GAS2L3: variants seen among roughly 807,000 people sequenced by gnomAD.
GAS2L3 encodes the protein growth arrest specific 2 like 3, also known as GAS2-like protein 3.
In GAS2L3, 28 loss-of-function variants were observed where a neutral mutation model predicts 37.0. The observed-to-expected ratio is 0.76, with a 90% confidence interval of 0.56 to 1.04. The LOEUF (loss-of-function observed/expected upper bound fraction) is 1.04. Among genes scored for constraint, GAS2L3 ranks in the 50% least tolerant of loss-of-function variants. GAS2L3 has a pLI of 0.00. For missense variants in GAS2L3, 793 were observed against 817.6 expected (o/e 0.97, Z 0.37); for synonymous variants, 290 against 296.6 (o/e 0.98, Z 0.23).
At chr12:100,588,627 C>T (rs141105742) in intron 1 of GAS2L3, among the ~76,000 whole-genome samples, 50 of 152,122 alleles carry the variant, frequency 3.3e-4, no homozygotes, top group African/African-American at 1.0e-3. Flanking sequence ...TTTACCAGGG[C>T]GGAGTTTTTT....
chr12:100,592,331 TCTTTG>T, intron 2 of GAS2L3: 2 of 152,262 alleles, frequency 1.3e-5, no homozygotes, highest in South Asian at 4.1e-4. Flanking sequence ...TTACCTTATT[TCTTTG>T]CTTTTTTTTG....
At chr12:100,576,531 G>A (rs1955639189) in intron 1 of GAS2L3, among the ~76,000 whole-genome samples, 1 of 152,134 alleles carries the variant, frequency 6.6e-6, no homozygotes, top group Admixed American at 6.6e-5. Context: ...AATGAGTCAT[G>A]CAATGGACAT....
chr12:100,610,627 A>G (rs1284014579), intron 5 of GAS2L3, among the ~76,000 whole-genome samples: 2 of 152,162 alleles, frequency 1.3e-5, no homozygotes, highest in Non-Finnish European at 2.9e-5. Flanking sequence ...TATACAAGGA[A>G]CTGGTAATAG....
chr12:100,591,265 A>G (rs1955843330), intron 1 of GAS2L3, among the ~76,000 whole-genome samples: 3 of 152,180 alleles, frequency 2.0e-5, no homozygotes, highest in African/African-American at 7.2e-5. Context: ...AGCGTATACC[A>G]CATGAAAAAA....
Position 100,624,760 on chromosome 12 carries a change from C to T in GAS2L3, c.1955C>T (p.Pro652Leu). ...GGGCCTCCCAGAAGTGGCAAAACCC[C>T]AGCTTCAATCAGGAAACCACCCTCA... ...TKGPPRSGKT[P>L]ASIRKPPSSV... The change falls in exon 10 of 10, where the codon CCA (proline) becomes CTA (leucine). Residue 652 changes from proline to leucine, a missense_variant. Physicochemically the swap from Pro to Leu is moderately conservative, Grantham distance 98. Coordinates refer to ENST00000547754, the MANE Select transcript of GAS2L3 (RefSeq NM_174942.3). 6.2e-7 allele frequency: 1 copy of T among 1,613,920 alleles called. No homozygotes were observed. Among genetic ancestry groups the T allele is most frequent in the Non-Finnish European group, 8.5e-7 (1 of 1,180,010 alleles).
chr12:100,615,725 A>C (rs147407395), intron 6 of GAS2L3, among the ~76,000 whole-genome samples: 2 of 152,168 alleles, frequency 1.3e-5, no homozygotes, highest in African/African-American at 4.8e-5. Flanking sequence ...CAGTTGTGCC[A>C]ACACCATTTG....
chr12:100,587,634 A>G (rs1955796965), intron 1 of GAS2L3, among the ~76,000 whole-genome samples: 1 of 152,212 alleles, frequency 6.6e-6, no homozygotes, highest in Admixed American at 6.5e-5. Context: ...CGTAATGCTG[A>G]ATGGGGAAAA....
chr12:100,602,791 A>G (rs76185466), intron 5 of GAS2L3, among the ~76,000 whole-genome samples: 2,405 of 151,298 alleles, frequency 0.016, 65 homozygotes, highest in African/African-American at 0.055. Context: ...ACTTCCCCCC[A>G]CCTGCCACAA....
At chr12:100,610,773 A>G (rs1031051787) in intron 5 of GAS2L3, among the ~76,000 whole-genome samples, 1 of 152,146 alleles carries the variant, frequency 6.6e-6, no homozygotes, top group Non-Finnish European at 1.5e-5. Context: ...AACCAAAACA[A>G]AAAAATCTCT....
chr12:100,622,165 C>G (rs1222229517), intron 8 of GAS2L3, 110 bp from the exon 9 acceptor site: 1 of 539,786 alleles, frequency 1.9e-6, no homozygotes, highest in Non-Finnish European at 3.3e-6. Context: ...ATTATTGAAC[C>G]TGAAATTTTT....
chr12:100,579,244 A>T lies in GAS2L3; in HGVS notation c.-152+5459A>T, dbSNP rs1222830600. Reference sequence around the variant, plus strand: ...TTGCTAAGGTCCATTCAGTGCTTACAAACAAACTTCTAACTGTGTCTCTTT... The same window carrying T: ...TTGCTAAGGTCCATTCAGTGCTTACTAACAAACTTCTAACTGTGTCTCTTT... On this transcript the variant is annotated intron_variant, in intron 1 of 9. Coordinates refer to ENST00000547754, the MANE Select transcript of GAS2L3 (RefSeq NM_174942.3). 4 of 607,922 alleles carry T rather than the reference A, an allele frequency of 6.6e-6. No individual in the cohort carries two copies. In the East Asian group the frequency reaches 1.1e-4, roughly 17 times the overall value. The allele number at this position is 607,922 out of a possible 1,614,324, so 37.7% of individuals were successfully genotyped here.
At position 100,615,311 on chromosome 12, in the gene GAS2L3, T is replaced by C. The variant is rs61280531; in HGVS notation, c.446-2433T>C. On this transcript the variant is annotated intron_variant, in intron 6 of 9. Coordinates refer to ENST00000547754, the MANE Select transcript of GAS2L3 (RefSeq NM_174942.3). ...ACTTGTATAACTTCTTTGGAGACTA[T>C]CTATTCAAATCCTTTGCCTATTTTA... Among the ~76,000 whole-genome samples, 233 of 152,294 alleles carry C rather than the reference T, an allele frequency of 1.5e-3. 2 individuals are homozygous for C. In the East Asian group the frequency reaches 0.024, roughly 16 times the overall value.
At chr12:100,580,004 A>C (rs1955689991) in intron 1 of GAS2L3, 3 of 1,177,658 alleles carry the variant, frequency 2.5e-6, no homozygotes, top group Non-Finnish European at 3.8e-6. Flanking sequence ...CTCACAGTGG[A>C]CCAGTAACAG....
intron 5 of GAS2L3, among the ~76,000 whole-genome samples, chr12:100,602,840 C>T (rs528699051): frequency 3.3e-5 from 5 of 152,214 alleles, no homozygotes; most frequent in East Asian, 3.9e-4. Context: ...CTACTATCTC[C>T]GTGAGTTCAA....
At chr12:100,604,366 G>A (rs553337907) in intron 5 of GAS2L3, among the ~76,000 whole-genome samples, 2 of 151,306 alleles carry the variant, frequency 1.3e-5, no homozygotes, top group African/African-American at 4.8e-5. Context: ...CTGTAAATGG[G>A]ATTACTTTTT....
At chr12:100,620,931 G>A (rs991411540) in intron 8 of GAS2L3, among the ~76,000 whole-genome samples, 7 of 152,042 alleles carry the variant, frequency 4.6e-5, no homozygotes, top group Non-Finnish European at 8.8e-5. Flanking sequence ...AGATGCAGAT[G>A]TGCACGTGTG....
chr12:100,573,830 A>C (rs1841466429), intron 1 of GAS2L3, 45 bp downstream of exon 1: 1 of 152,090 alleles, frequency 6.6e-6, no homozygotes, highest in African/African-American at 2.4e-5. Context: ...GCGAACTTTT[A>C]CGCGCTGTCT....
chr12:100,624,477 T>C lies in GAS2L3; in HGVS notation c.1672T>C (p.Leu558=). 1 of 1,614,036 alleles carries C rather than the reference T, an allele frequency of 6.2e-7. No individual in the cohort carries two copies. ...CCCAGCACAGAAACTTAAATCGGCC[T>C]TGAATTTAAATCAGCCAGTTTCTGT... ...PVPAQKLKSA[L]NLNQPVSVSS... is the part of the protein sequence containing the mutation. The change falls in exon 10 of 10, where the codon TTG becomes CTG. Residue 558 remains leucine (L), a synonymous_variant. Transcript: ENST00000547754.
intron 1 of GAS2L3, among the ~76,000 whole-genome samples, chr12:100,577,744 A>G (rs1955655966): frequency 6.6e-6 from 1 of 152,236 alleles, no homozygotes; most frequent in African/African-American, 2.4e-5. Flanking sequence ...ATATTGCTAT[A>G]TCCCTAAATT....
Sources: gnomAD v4.1 joint callset for allele counts (sites outside exome capture counted in the v4.1 genomes callset) on GRCh38, gnomAD v4.1.1 for gene constraint, MANE v1.5 for transcripts, NCBI Gene and HGNC (gene_info 2026-07-23, HGNC 2026-07-21) for gene names.